The following CTNNA2 variants were observed in gnomAD, a reference collection of about 807,000 sequenced individuals.
CTNNA2 encodes catenin alpha 2.
Under a neutral mutation model 101.0 loss-of-function variants are expected in CTNNA2, and 42 were observed. That is an observed-to-expected ratio of 0.42 (90% CI 0.32 to 0.54). The LOEUF is 0.54. CTNNA2 is among the 20% of genes least tolerant of loss of function. The probability of loss-of-function intolerance (pLI) is 0.14; values close to 1 mark genes in which losing one functional copy is unlikely to be tolerated. For missense variants in CTNNA2, 871 were observed against 1,223.1 expected, an observed-to-expected ratio of 0.71 and a Z score of 4.29; for synonymous variants, 450 against 456.4, an observed-to-expected ratio of 0.99 and a Z score of 0.18.
At chr2:79,997,799 C>T (rs1340525268) in intron 7 of CTNNA2, among the ~76,000 whole-genome samples, 1 of 152,156 alleles carries the variant, frequency 6.6e-6, no homozygotes, top group Non-Finnish European at 1.5e-5. Flanking sequence ...CCGCGTTGCA[C>T]CTCCTTGGCC....
intron 2 of CTNNA2, among the ~76,000 whole-genome samples, chr2:79,234,734 T>C (rs1051258507): frequency 6.6e-6 from 1 of 152,224 alleles, no homozygotes; most frequent in African/African-American, 2.4e-5. Context: ...TTTGTAAAAT[T>C]CTTTTTTCCT....
chr2:80,094,013 G>T (rs1196559090), intron 7 of CTNNA2, among the ~76,000 whole-genome samples: 1 of 152,064 alleles, frequency 6.6e-6, no homozygotes, highest in African/African-American at 2.4e-5. Context: ...AGTTTAATTA[G>T]ATCCCATTTT....
At chr2:80,404,340 AC>A (rs1678857350) in intron 8 of CTNNA2, among the ~76,000 whole-genome samples, 1 of 152,090 alleles carries the variant, frequency 6.6e-6, no homozygotes, top group African/African-American at 2.4e-5. Context: ...TTTCAAAAAA[AC>A]ACAGCTCCTG....
At chr2:80,013,878 G>C (rs1310814876) in intron 7 of CTNNA2, among the ~76,000 whole-genome samples, 1 of 152,186 alleles carries the variant, frequency 6.6e-6, no homozygotes, top group East Asian at 1.9e-4. Context: ...TCCTCCTCCA[G>C]TAGCATGTAA....
At chr2:80,067,464 A>G (rs1032910720) in intron 7 of CTNNA2, among the ~76,000 whole-genome samples, 5 of 152,110 alleles carry the variant, frequency 3.3e-5, no homozygotes, top group Non-Finnish European at 7.4e-5. Flanking sequence ...TCATATCTGG[A>G]AATTATTCTG....
chr2:79,423,061 G>T (rs1317259246), intron 4 of CTNNA2, among the ~76,000 whole-genome samples: 3 of 152,026 alleles, frequency 2.0e-5, no homozygotes, highest in Admixed American at 6.6e-5. Flanking sequence ...AAATTGGGAG[G>T]CCTTTGTGAT....
chr2:79,360,030 A>C lies in CTNNA2; in HGVS notation c.-317-13801A>C, dbSNP rs114104669. ...TTTCTAATATGGCCAATGTCAACAC[A>C]TAAAAACTATATAAACAAAATCTCT... is the stretch of plus-strand genomic sequence containing the variant. On this transcript the variant is annotated intron_variant, in intron 3 of 21. Transcript: ENST00000466387. Among the ~76,000 whole-genome samples the C allele has an allele frequency of 6.7e-3, 1,020 of 152,318 alleles. 12 individuals are homozygous for C. Among genetic ancestry groups the C allele is most frequent in the African/African-American group, 0.023 (959 of 41,582 alleles).
chr2:79,716,585 T>G (rs1030327776), intron 2 of CTNNA2, among the ~76,000 whole-genome samples: 2 of 152,214 alleles, frequency 1.3e-5, no homozygotes, highest in African/African-American at 4.8e-5. Context: ...TGCATTAGTT[T>G]GCTGAGGTTA....
chr2:79,665,943 A>G (rs1017524959), intron 2 of CTNNA2, among the ~76,000 whole-genome samples: 2 of 152,292 alleles, frequency 1.3e-5, no homozygotes, highest in East Asian at 3.9e-4. Flanking sequence ...CTGAAATGGT[A>G]ATTTCATTCT....
chr2:80,243,696 G>C (rs1671117109), intron 7 of CTNNA2, among the ~76,000 whole-genome samples: 1 of 152,138 alleles, frequency 6.6e-6, no homozygotes, highest in Non-Finnish European at 1.5e-5. Flanking sequence ...TTTCCAGCTT[G>C]GAACTATAAC....
chr2:79,413,399 C>A (rs1678439677), intron 4 of CTNNA2, among the ~76,000 whole-genome samples: 1 of 151,922 alleles, frequency 6.6e-6, no homozygotes, highest in Non-Finnish European at 1.5e-5. Flanking sequence ...CCTCTTCTTC[C>A]TTTTTTGTGG....
intron 2 of CTNNA2, among the ~76,000 whole-genome samples, chr2:79,707,847 G>T (rs116603089): frequency 9.6e-4 from 146 of 152,190 alleles, no homozygotes; most frequent in African/African-American, 3.4e-3. Flanking sequence ...AGCTTGAGTG[G>T]GCTCTGGGGA....
In CTNNA2 at chr2:79,210,302, A is replaced by G. The variant is rs529039209; in HGVS notation, c.-406+12226A>G. Among the ~76,000 whole-genome samples the G allele has an allele frequency of 4.6e-5, 7 of 152,198 alleles. No homozygotes were observed. In the South Asian group the frequency reaches 1.5e-3, roughly 32 times the overall value. On this transcript the variant is annotated intron_variant, in intron 2 of 21. Coordinates refer to the CTNNA2 transcript ENST00000466387. ...TTTGAGGGAACAGCTTAAATAAAAG[A>G]AAAAAAACTAGACACAGTTTATATG...
At chr2:79,975,478 G>A (rs1358915104) in intron 7 of CTNNA2, among the ~76,000 whole-genome samples, 2 of 152,024 alleles carry the variant, frequency 1.3e-5, no homozygotes, top group African/African-American at 2.4e-5. Context: ...CGTCAATTCG[G>A]TTCTGACCTA....
At chr2:79,288,378 TG>T (rs749117209) in intron 2 of CTNNA2, among the ~76,000 whole-genome samples, 3 of 152,226 alleles carry the variant, frequency 2.0e-5, no homozygotes, top group Non-Finnish European at 2.9e-5. Context: ...TAAAATGTAT[TG>T]GAATCCATCA....
chr2:79,392,096 T>C (rs1050178599), intron 4 of CTNNA2, among the ~76,000 whole-genome samples: 1 of 152,194 alleles, frequency 6.6e-6, no homozygotes, highest in Non-Finnish European at 1.5e-5. Context: ...ACATTGAAAC[T>C]GGAGCTCCAA....
intron 18 of CTNNA2, among the ~76,000 whole-genome samples, chr2:80,626,941 A>G (rs1181742248): frequency 6.7e-6 from 1 of 150,314 alleles, no homozygotes; most frequent in Non-Finnish European, 1.5e-5. Context: ...TTCAACTCCC[A>G]CTTATGGTGA....
intron 7 of CTNNA2, chr2:80,305,073 ATAC>A: frequency 1.0e-6 from 1 of 985,202 alleles, no homozygotes; most frequent in Non-Finnish European, 1.2e-6. Flanking sequence ...CGTGTAAGAG[ATAC>A]GTAGGAATCT....
chr2:80,159,036 C>T (rs1704149843), intron 7 of CTNNA2, among the ~76,000 whole-genome samples: 1 of 152,008 alleles, frequency 6.6e-6, no homozygotes. Flanking sequence ...GACCATTCAC[C>T]CATTGAAGGA....
Sources: allele counts gnomAD v4.1 joint callset (sites outside exome capture counted in the v4.1 genomes callset), GRCh38; gene constraint gnomAD v4.1.1; transcripts MANE v1.5; gene names NCBI Gene and HGNC (gene_info 2026-07-23, HGNC 2026-07-21).